CCDC88C: variants seen among roughly 807,000 people sequenced by gnomAD.
CCDC88C encodes protein Daple.
A neutral mutation model predicts 198.8 loss-of-function variants in CCDC88C; 131 were observed. The observed-to-expected ratio is 0.66, with a 90% CI of 0.57 to 0.76. CCDC88C has a LOEUF of 0.76. CCDC88C is among the 30% of genes least tolerant of loss of function. CCDC88C has a pLI of 0.00. For synonymous variants in CCDC88C, 1,166 were observed against 1,114.7 expected, an observed-to-expected ratio of 1.05 and a Z score of -0.92; for missense variants, 2,553 against 2,631.6, an observed-to-expected ratio of 0.97 and a Z score of 0.65.
At chr14:91,317,335 T>A (rs1181178188) in intron 13 of CCDC88C, among the ~76,000 whole-genome samples, 4 of 152,186 alleles carry the variant, frequency 2.6e-5, no homozygotes, top group African/African-American at 9.7e-5. Context: ...AGGGGCCCCC[T>A]GTGGGACTCA....
intron 10 of CCDC88C, among the ~76,000 whole-genome samples, chr14:91,335,523 C>A (rs960316914): frequency 1.3e-5 from 2 of 152,090 alleles, no homozygotes; most frequent in African/African-American, 4.8e-5. Context: ...TTCAACAGCA[C>A]CCCCACCCCC....
At chr14:91,279,620 CA>C (rs966016180) in intron 27 of CCDC88C, 88 of 226,200 alleles carry the variant, frequency 3.9e-4, no homozygotes, top group Middle Eastern at 1.5e-3. Context: ...AGAGGGCAGA[CA>C]AAAAAAAGGC....
Position 91,324,753 on chromosome 14 carries a change from G to A in CCDC88C, c.1342+26C>T. The A allele has an allele frequency of 1.2e-6, 2 of 1,605,626 alleles. 1 individual carries two copies. The highest frequency in any genetic ancestry group is 2.2e-5 in the South Asian group (2 of 91,074). On this transcript the variant is annotated intron_variant, in intron 12 of 29. Transcript: ENST00000389857. Reference sequence around the variant, plus strand: ...GGCAGCGGCGGCCACGGCCAGGCTGGCTCCCCGGCACCAGGCGCTACCTAC... The same window carrying A: ...GGCAGCGGCGGCCACGGCCAGGCTGACTCCCCGGCACCAGGCGCTACCTAC...
At chr14:91,347,363 G>A (rs1234706762) in intron 4 of CCDC88C, among the ~76,000 whole-genome samples, 1 of 152,174 alleles carries the variant, frequency 6.6e-6, no homozygotes, top group Non-Finnish European at 1.5e-5. Context: ...TTAAAAGGGA[G>A]GAAAGTGCTA....
chr14:91,395,280 G>A lies in CCDC88C; in HGVS notation c.270+13379C>T, dbSNP rs1381792614. Among the ~76,000 whole-genome samples, 5 of 152,242 alleles carry A rather than the reference G, an allele frequency of 3.3e-5. No individual in the cohort carries two copies. The East Asian group carries it at 5.8e-4, about 18-fold the overall frequency. ...CTGCAGAATACAGGTGAACAAGTAC[G>A]TCCCCTGCAGAGTCAGCCTGGGACC... On this transcript the variant is annotated intron_variant, in intron 3 of 29. Transcript: ENST00000389857.
intron 4 of CCDC88C, among the ~76,000 whole-genome samples, chr14:91,344,521 T>C: frequency 6.6e-6 from 1 of 152,056 alleles, no homozygotes; most frequent in East Asian, 1.9e-4. Flanking sequence ...CATCCTTTTT[T>C]TTTTTTTTGA....
rs767505066 is a variant in CCDC88C, at chr14:91,321,115, G to A, written c.1527+5C>T. On this transcript the variant is annotated splice_donor_5th_base_variant and intron_variant, in intron 13 of 29. Coordinates refer to ENST00000389857, the MANE Select transcript of CCDC88C (RefSeq NM_001080414.4). ...TTCCCCGGTGGCCTAAGGAGGCCGA[G>A]GTACCTTCTTGCTGAGCTGGTGGTT... is the stretch of plus-strand genomic sequence containing the variant. The A allele has an allele frequency of 1.9e-6, 3 of 1,605,834 alleles. No homozygotes were observed. Among genetic ancestry groups the A allele is most frequent in the Non-Finnish European group, 2.6e-6 (3 of 1,175,938 alleles).
chr14:91,400,698 T>C (rs565525710), intron 3 of CCDC88C, among the ~76,000 whole-genome samples: 1 of 152,248 alleles, frequency 6.6e-6, no homozygotes, highest in Non-Finnish European at 1.5e-5. Flanking sequence ...CTCGAGAATC[T>C]TCAGCATGCA....
chr14:91,376,103 C>T (rs1351587961), intron 3 of CCDC88C, among the ~76,000 whole-genome samples: 6 of 152,090 alleles, frequency 3.9e-5, no homozygotes, highest in Admixed American at 3.9e-4. Flanking sequence ...CGCAGAGGAC[C>T]CTTTAGGCTG....
chr14:91,282,527 G>C (rs1320093901), intron 26 of CCDC88C, among the ~76,000 whole-genome samples: 2 of 151,792 alleles, frequency 1.3e-5, no homozygotes, highest in African/African-American at 4.8e-5. Flanking sequence ...TTGTTTCTTG[G>C]GTGCAATCAT....
At chr14:91,398,320 C>T (rs952117876) in intron 3 of CCDC88C, among the ~76,000 whole-genome samples, 6 of 152,200 alleles carry the variant, frequency 3.9e-5, no homozygotes, top group African/African-American at 1.4e-4. Context: ...GTCCTCAGCC[C>T]GTTTGCTTCA....
chr14:91,408,804 C>G (rs889872316), intron 2 of CCDC88C, 37 bp from the exon 3 acceptor site: 14 of 1,341,456 alleles, frequency 1.0e-5, no homozygotes, highest in Non-Finnish European at 1.2e-5. Flanking sequence ...ATTGCATCTC[C>G]CAGCAGCTGC....
intron 16 of CCDC88C, among the ~76,000 whole-genome samples, chr14:91,309,061 T>C (rs1417097885): frequency 6.6e-6 from 1 of 152,144 alleles, no homozygotes; most frequent in African/African-American, 2.4e-5. Context: ...ACCCCGTCTC[T>C]ACTAAAAAAA....
chr14:91,273,275 G>A lies in CCDC88C; in HGVS notation c.5437C>T (p.Leu1813Phe), dbSNP rs907978841. The A allele has an allele frequency of 1.3e-6, 2 of 1,560,338 alleles. No individual in the cohort carries two copies. Among genetic ancestry groups the A allele is most frequent in the Non-Finnish European group, 1.7e-6 (2 of 1,151,978 alleles). The change falls in exon 30 of 30, where the codon CTC becomes TTC. Residue 1813 changes from leucine to phenylalanine, a missense_variant. Coordinates refer to ENST00000389857, the MANE Select transcript of CCDC88C (RefSeq NM_001080414.4). The surrounding 1 kb of genome is among the most constrained non-coding windows in gnomAD (Gnocchi z 5.6). ...CAGGCCTCTGGCCCGCTGGCCCGGA[G>A]AAGGTCAGCTGAGGCCAGGCTGAAG... is the stretch of plus-strand genomic sequence containing the variant. ...RAFSLASADL[L>F]RASGPEACKQ...
Position 91,313,717 on chromosome 14 carries a change from T to C in CCDC88C, c.2099A>G (p.Lys700Arg). 2 of 1,610,546 alleles carry C rather than the reference T, an allele frequency of 1.2e-6. No individual in the cohort carries two copies. Among genetic ancestry groups the C allele is most frequent in the Non-Finnish European group, 1.7e-6 (2 of 1,179,834 alleles). ...CTCCAGGTTCTCTGCGTCCAGCTGC[T>C]TGTTGTCACGCTCCAGGCCCTCAAG... The part of the protein sequence containing the change: ...LQLEGLERDN[K>R]QLDAENLELR... The change falls in exon 15 of 30, where the codon AAG (lysine) becomes AGG (arginine). Residue 700 changes from lysine (K) to arginine (R), a missense_variant. Physicochemically the swap from Lys to Arg is conservative, Grantham distance 26. Coordinates refer to ENST00000389857, the MANE Select transcript of CCDC88C (RefSeq NM_001080414.4). The surrounding 1 kb of genome is among the most constrained non-coding windows in gnomAD (Gnocchi z 5.2).
In CCDC88C at chr14:91,315,697, G is replaced by A; in HGVS notation, c.1618C>T (p.Gln540Ter). 2 of 1,613,870 alleles carry A rather than the reference G, an allele frequency of 1.2e-6. No homozygotes were observed. Among genetic ancestry groups the A allele is most frequent in the Non-Finnish European group, 1.7e-6 (2 of 1,179,866 alleles). ...LSEELIREKE[Q>*]LQSDMETLKA... ...AGGGTCTCCATGTCACTCTGCAGCT[G>A]CTCCTTCTCTCTGATCAGCTCCTCA... Residue 540 changes from glutamine (Q) to a stop codon, truncating the protein, a stop_gained, in exon 14 of 30, where the codon CAG (glutamine) becomes TAG (stop). Transcript: ENST00000389857. LOFTEE classifies it high-confidence loss of function.
chr14:91,291,903 C>T (rs570314426), intron 23 of CCDC88C, among the ~76,000 whole-genome samples: 2 of 152,224 alleles, frequency 1.3e-5, no homozygotes, highest in African/African-American at 2.4e-5. Flanking sequence ...CAGAAAGCTT[C>T]TGTTTGCACT....
At chr14:91,328,274 T>C (rs1315075936) in intron 10 of CCDC88C, among the ~76,000 whole-genome samples, 2 of 152,172 alleles carry the variant, frequency 1.3e-5, no homozygotes, top group African/African-American at 4.8e-5. Context: ...ACCTCCACTA[T>C]ACATAAGGTA....
At chr14:91,287,512 T>C (rs958256244) in intron 25 of CCDC88C, among the ~76,000 whole-genome samples, 1 of 151,988 alleles carries the variant, frequency 6.6e-6, no homozygotes, top group Non-Finnish European at 1.5e-5. Context: ...TAAAAATATA[T>C]ATATTGGTAG....
Sources: gnomAD v4.1 joint callset for allele counts (sites outside exome capture counted in the v4.1 genomes callset) on GRCh38, gnomAD v4.1.1 for gene constraint, Gnocchi (gnomAD v3.1) non-coding constraint, MANE v1.5 for transcripts, NCBI Gene and HGNC (gene_info 2026-07-23, HGNC 2026-07-21) for gene names.